PLCL1: variants seen among roughly 807,000 people sequenced by gnomAD.
PLCL1 encodes inactive phospholipase C-like protein 1.
In PLCL1, 41 loss-of-function variants were observed where a neutral mutation model predicts 84.4. The ratio of observed to expected loss-of-function variants is 0.49; its 90% CI spans 0.38 to 0.63. The LOEUF (loss-of-function observed/expected upper bound fraction) is 0.63. Among genes scored for constraint, PLCL1 ranks in the 30% least tolerant of loss-of-function variants. The pLI is 0.00. For missense variants in PLCL1, 1,206 were observed against 1,367.8 expected, an observed-to-expected ratio of 0.88 and a Z score of 1.87; for synonymous variants, 490 against 488.3, an observed-to-expected ratio of 1.00 and a Z score of -0.05.
intron 1 of PLCL1, among the ~76,000 whole-genome samples, chr2:197,999,097 C>T (rs1690537100): frequency 6.6e-6 from 1 of 152,164 alleles, no homozygotes; most frequent in Non-Finnish European, 1.5e-5. Flanking sequence ...GAACCAGTAT[C>T]CTGATCTTTC....
chr2:198,029,999 C>T (rs2105848061), intron 1 of PLCL1, among the ~76,000 whole-genome samples: 1 of 151,938 alleles, frequency 6.6e-6, no homozygotes, highest in South Asian at 2.1e-4. Flanking sequence ...AGTGCCAGGC[C>T]TTTCTTTCTT....
At chr2:198,140,411 C>A (rs906643106) in intron 5 of PLCL1, among the ~76,000 whole-genome samples, 1 of 151,984 alleles carries the variant, frequency 6.6e-6, no homozygotes, top group African/African-American at 2.4e-5. Flanking sequence ...AAAAACATGG[C>A]TAATACAAAG....
chr2:197,906,206 G>C (rs572245928), intron 1 of PLCL1, among the ~76,000 whole-genome samples: 2 of 152,184 alleles, frequency 1.3e-5, no homozygotes, highest in Admixed American at 1.3e-4. Context: ...CAGGTCTTAC[G>C]TTTAAGTCTT....
chr2:198,051,857 C>G (rs551587306), intron 1 of PLCL1, among the ~76,000 whole-genome samples: 2 of 150,742 alleles, frequency 1.3e-5, no homozygotes, highest in Non-Finnish European at 2.9e-5. Flanking sequence ...CTCAGCCTCC[C>G]GAGTAGCTGG....
rs140420166 is a variant in PLCL1 at position 197,945,058 on chromosome 2, A to T, written c.241-138700A>T. Among the ~76,000 whole-genome samples, 1,099 of 152,292 alleles carry T rather than the reference A, an allele frequency of 7.2e-3. 5 individuals are homozygous for T. Among genetic ancestry groups the T allele is most frequent in the Non-Finnish European group, 0.012 (805 of 68,020 alleles). ...ATAGAGTTGTACAATGACATTCCTT[A>T]TTGTTCAGAGTGTTTTAATATCTTA... is the stretch of plus-strand genomic sequence containing the variant. On this transcript the variant is annotated intron_variant, in intron 1 of 5. Coordinates refer to ENST00000428675, the MANE Select transcript of PLCL1 (RefSeq NM_006226.4).
rs1309621524 is a variant in PLCL1 at position 198,018,369 on chromosome 2, C to A, written c.241-65389C>A. ...TCATACCTCAGTGGCACCTGGAACACCAGCGAGACAGAACCGTTCACTCCC... is the reference window on the plus strand; with the variant it reads ...TCATACCTCAGTGGCACCTGGAACAACAGCGAGACAGAACCGTTCACTCCC... On this transcript the variant is annotated intron_variant, in intron 1 of 5. Transcript: ENST00000428675. Among the ~76,000 whole-genome samples the A allele has an allele frequency of 2.0e-5, 3 of 152,128 alleles. No homozygotes were observed. The East Asian group carries it at 5.8e-4, about 29-fold the overall frequency.
In PLCL1 at chr2:198,050,221, G is replaced by GT. The variant is rs907059168; in HGVS notation, c.241-33529dup. On this transcript the variant is annotated intron_variant, in intron 1 of 5. Coordinates refer to ENST00000428675, the MANE Select transcript of PLCL1 (RefSeq NM_006226.4). ...TCAGGACATCTGTCTGCCGAGGCCT[G>GT]TTTTTTTTCTGTACGTTTTCATGGC... 1.1e-3 allele frequency among the ~76,000 whole-genome samples: 166 copies of GT among 152,010 alleles called. 1 individual carries two copies. Among genetic ancestry groups the GT allele is most frequent in the African/African-American group, 3.7e-3 (152 of 41,472 alleles).
chr2:198,006,831 G>C (rs1455374698), intron 1 of PLCL1, among the ~76,000 whole-genome samples: 2 of 152,158 alleles, frequency 1.3e-5, no homozygotes, highest in African/African-American at 4.8e-5. Context: ...AATGATTGTT[G>C]ATCTGCCTTC....
rs568533121 is a variant in PLCL1, at chr2:198,109,668, T to A, written c.3105+5732T>A. Among the ~76,000 whole-genome samples, 11 of 152,006 alleles carry A rather than the reference T, an allele frequency of 7.2e-5. No individual in the cohort carries two copies. The South Asian group carries it at 2.1e-3, about 29-fold the overall frequency. On this transcript the variant is annotated intron_variant, in intron 5 of 5. Transcript: ENST00000428675. Reference sequence around the variant, plus strand: ...GCTATTTGCAATGAAGTGGAATTCATCTAAAGTCTTGAACTCTATCCAGAG... The same window carrying A: ...GCTATTTGCAATGAAGTGGAATTCAACTAAAGTCTTGAACTCTATCCAGAG...
At chr2:198,044,686 T>TG (rs928397901) in intron 1 of PLCL1, among the ~76,000 whole-genome samples, 132 of 152,294 alleles carry the variant, frequency 8.7e-4, no homozygotes, top group African/African-American at 3.0e-3. Context: ...GTCATTATCA[T>TG]GTAGAAATTT....
intron 1 of PLCL1, among the ~76,000 whole-genome samples, chr2:197,998,663 A>G (rs552306805): frequency 1.3e-5 from 2 of 152,286 alleles, no homozygotes; most frequent in African/African-American, 2.4e-5. Flanking sequence ...AGTTGGCTAC[A>G]TAGAACCTCC....
chr2:197,945,990 T>C (rs1042182796), intron 1 of PLCL1, among the ~76,000 whole-genome samples: 8 of 152,210 alleles, frequency 5.3e-5, no homozygotes, highest in Non-Finnish European at 1.0e-4. Context: ...CCTCTGATAA[T>C]TTAACAAATA....
At chr2:197,923,669 C>T (rs1314591789) in intron 1 of PLCL1, among the ~76,000 whole-genome samples, 1 of 149,452 alleles carries the variant, frequency 6.7e-6, no homozygotes, top group African/African-American at 2.5e-5. Context: ...TCCTCACTTT[C>T]CAGACTGGGC....
intron 1 of PLCL1, among the ~76,000 whole-genome samples, chr2:197,925,585 C>G (rs927050100): frequency 3.3e-5 from 5 of 152,162 alleles, no homozygotes; most frequent in African/African-American, 9.7e-5. Context: ...AAGGAGAAAG[C>G]CTGTACCCAC....
intron 1 of PLCL1, among the ~76,000 whole-genome samples, chr2:197,882,559 G>C (rs560707060): frequency 6.6e-6 from 1 of 151,912 alleles, no homozygotes; most frequent in South Asian, 2.1e-4. Flanking sequence ...AGGGAGTTTT[G>C]TTGAGCACTG....
intron 2 of PLCL1, among the ~76,000 whole-genome samples, chr2:198,087,004 G>A (rs1347406369): frequency 6.6e-6 from 1 of 152,030 alleles, no homozygotes; most frequent in Non-Finnish European, 1.5e-5. Flanking sequence ...TTTAAATTAG[G>A]TATAATGACA....
intron 4 of PLCL1, among the ~76,000 whole-genome samples, chr2:198,102,919 G>T (rs894076196): frequency 9.2e-5 from 14 of 152,040 alleles, no homozygotes; most frequent in African/African-American, 3.4e-4. Context: ...TAAGACAAAG[G>T]CTGAAGAAAT....
At chr2:197,820,908 T>C (rs1029213067) in intron 1 of PLCL1, among the ~76,000 whole-genome samples, 2 of 152,146 alleles carry the variant, frequency 1.3e-5, no homozygotes, top group Admixed American at 1.3e-4. Context: ...AGCTTAACTG[T>C]GTTTATCTGA....
rs1288667570 is a variant in PLCL1, at chr2:197,998,216, T to TGTGTGTGA, written c.241-85541_241-85540insTGTGTGAG. Among the ~76,000 whole-genome samples, 88 of 149,182 alleles carry TGTGTGTGA rather than the reference T, an allele frequency of 5.9e-4. 1 individual carries two copies. The highest frequency in any genetic ancestry group is 3.6e-3 in the South Asian group (17 of 4,712). On this transcript the variant is annotated intron_variant, in intron 1 of 5. Coordinates refer to ENST00000428675, the MANE Select transcript of PLCL1 (RefSeq NM_006226.4). ...GTGTGTGTGTGTGTGTGTGTGTGTG[T>TGTGTGTGA]GATATGAGATTGCTTGTGCGCCTGT...
Sources: gnomAD v4.1 joint callset for allele counts (sites outside exome capture counted in the v4.1 genomes callset) on GRCh38, gnomAD v4.1.1 for gene constraint, MANE v1.5 for transcripts, NCBI Gene and HGNC (gene_info 2026-07-23, HGNC 2026-07-21) for gene names.